The following SDK1 variants were observed in gnomAD, a reference collection of about 807,000 sequenced individuals.
SDK1 encodes the protein sidekick cell adhesion molecule 1, also known as protein sidekick-1.
SDK1 carries 157 observed loss-of-function variants against 245.5 expected under a neutral mutation model. The observed-to-expected ratio is 0.64, with a 90% CI of 0.56 to 0.73. SDK1 has a LOEUF of 0.73. Among genes scored for constraint, SDK1 ranks in the 30% least tolerant of loss-of-function variants. SDK1 has a pLI of 0.00. For missense variants in SDK1, 3,583 were observed against 3,002.3 expected, an observed-to-expected ratio of 1.19 and a Z score of -4.52; for synonymous variants, 1,647 against 1,278.5, an observed-to-expected ratio of 1.29 and a Z score of -6.15.
chr7:4,237,735 C>G lies in SDK1; in HGVS notation c.6081C>G (p.Phe2027Leu). Reference protein sequence around the residue: ...SSLIVILLVVFALVLHGQNKK... With the variant: ...SSLIVILLVVLALVLHGQNKK... ...TGATCGTCATCCTGCTGGTGGTGTT[C>G]GCCCTCGTCCTGCACGGGCAGAATA... is the stretch of plus-strand genomic sequence containing the variant. The change falls in exon 42 of 45, where the codon TTC becomes TTG. Residue 2027 changes from phenylalanine (F) to leucine (L), a missense_variant. By Grantham distance (22) the Phe-to-Leu change is conservative. Coordinates refer to ENST00000404826, the MANE Select transcript of SDK1 (RefSeq NM_152744.4). 6.2e-7 allele frequency: 1 copy of G among 1,614,136 alleles called. No individual in the cohort carries two copies. The highest frequency in any genetic ancestry group is 8.5e-7 in the Non-Finnish European group (1 of 1,180,016).
chr7:4,030,273 G>GCATTCAATAC (rs1446186284), intron 17 of SDK1, among the ~76,000 whole-genome samples: 1 of 152,244 alleles, frequency 6.6e-6, no homozygotes, highest in East Asian at 1.9e-4. Context: ...ATATCTTTGT[G>GCATTCAATAC]ACATTCAAAT....
In SDK1 at chr7:4,266,477, G is replaced by C. The variant is rs907443831; in HGVS notation, c.*1093G>C. On this transcript the variant is annotated 3_prime_UTR_variant, in exon 45 of 45. Transcript: ENST00000404826. ...CTGTCCTGGCTTCTGCTGGCTGCTC[G>C]CAGCAGCCACCGCTTCTCCACCACT... 2 of 985,184 alleles carry C rather than the reference G, an allele frequency of 2.0e-6. No individual in the cohort carries two copies. The highest frequency in any genetic ancestry group is 4.7e-5 in the South Asian group (1 of 21,268). 61.0% of individuals were successfully genotyped at this position (985,184 alleles called of 1,614,324 possible). A position where few individuals can be genotyped will look rare whatever the true frequency, so the allele number is the denominator to read the frequency against.
At chr7:3,964,785 A>G (rs1781971230) in intron 9 of SDK1, among the ~76,000 whole-genome samples, 1 of 152,182 alleles carries the variant, frequency 6.6e-6, no homozygotes. Context: ...TGCACAGCCA[A>G]GGGCTCTTCC....
chr7:4,252,572 G>A (rs1156292551), intron 44 of SDK1, among the ~76,000 whole-genome samples: 6 of 152,136 alleles, frequency 3.9e-5, no homozygotes, highest in East Asian at 1.9e-4. Flanking sequence ...ATATTGCTGA[G>A]CATTTTTGTA....
At position 4,266,848 on chromosome 7, in the gene SDK1, C is replaced by G. The variant is rs573931062; in HGVS notation, c.*1464C>G. The stretch of plus-strand genomic sequence containing the variant: ...GCAGCAGCGTGACACACACAAGACT[C>G]AAGACCACCCTGTCAGTGCCCCCCA... On this transcript the variant is annotated 3_prime_UTR_variant, in exon 45 of 45. Coordinates refer to ENST00000404826, the MANE Select transcript of SDK1 (RefSeq NM_152744.4). The G allele has an allele frequency of 2.1e-5, 21 of 985,546 alleles. No individual in the cohort carries two copies. In the South Asian group the frequency reaches 8.5e-4, roughly 40 times the overall value. 61.1% of individuals were successfully genotyped at this position (985,546 alleles called of 1,614,324 possible). A position where few individuals can be genotyped will look rare whatever the true frequency, so the allele number is the denominator to read the frequency against.
chr7:3,583,316 A>G (rs762432964), intron 1 of SDK1, among the ~76,000 whole-genome samples: 1 of 152,200 alleles, frequency 6.6e-6, no homozygotes, highest in African/African-American at 2.4e-5. Context: ...TCAGTGCATT[A>G]TGTTACCATT....
intron 32 of SDK1, among the ~76,000 whole-genome samples, chr7:4,168,283 T>A (rs1408235232): frequency 6.6e-6 from 1 of 152,190 alleles, no homozygotes; most frequent in East Asian, 1.9e-4. Context: ...CTTCAGTGAT[T>A]TCTGGTGCAA....
chr7:3,996,420 G>A (rs1396131391), intron 14 of SDK1, among the ~76,000 whole-genome samples: 1 of 152,132 alleles, frequency 6.6e-6, no homozygotes, highest in Non-Finnish European at 1.5e-5. Flanking sequence ...TAGTCTCATT[G>A]CATTTTTAAT....
chr7:3,574,686 A>G (rs1316536746), intron 1 of SDK1, among the ~76,000 whole-genome samples: 1 of 152,094 alleles, frequency 6.6e-6, no homozygotes, highest in African/African-American at 2.4e-5. Context: ...TAGTGTATAA[A>G]GTAGCTGATG....
At chr7:4,007,483 C>G (rs995445184) in intron 14 of SDK1, among the ~76,000 whole-genome samples, 3 of 152,074 alleles carry the variant, frequency 2.0e-5, no homozygotes, top group African/African-American at 7.2e-5. Flanking sequence ...GAGCTTGGAT[C>G]TAGGGAGAGC....
intron 40 of SDK1, 52 bp from the exon 41 acceptor site, chr7:4,233,203 C>G: frequency 6.4e-7 from 1 of 1,568,180 alleles, no homozygotes; most frequent in Non-Finnish European, 8.7e-7. Context: ...GGGCTCGCAT[C>G]TGGGACTTCG....
intron 32 of SDK1, among the ~76,000 whole-genome samples, chr7:4,165,749 C>T (rs1781461457): frequency 6.6e-6 from 1 of 152,130 alleles, no homozygotes; most frequent in Non-Finnish European, 1.5e-5. Flanking sequence ...CTTGGTCTCC[C>T]AAAGTGCTGG....
At chr7:4,051,917 G>A in intron 19 of SDK1, 87 bp downstream of exon 19, 1 of 1,309,016 alleles carries the variant, frequency 7.6e-7, no homozygotes, top group Non-Finnish European at 1.1e-6. Flanking sequence ...AAGGGCAGAG[G>A]TGGATCACGA....
intron 14 of SDK1, among the ~76,000 whole-genome samples, chr7:3,988,975 T>C (rs1251664621): frequency 6.6e-6 from 1 of 152,214 alleles, no homozygotes; most frequent in Non-Finnish European, 1.5e-5. Context: ...CAGGCTGGTC[T>C]CAAACTCCTG....
chr7:4,244,754 G>C (rs559446757), intron 43 of SDK1, among the ~76,000 whole-genome samples: 2 of 152,294 alleles, frequency 1.3e-5, no homozygotes, highest in East Asian at 3.9e-4. Context: ...AACTGGGCAA[G>C]AATCTTCTTC....
chr7:3,879,584 G>A (rs1052735018), intron 5 of SDK1, among the ~76,000 whole-genome samples: 5 of 152,312 alleles, frequency 3.3e-5, no homozygotes, highest in South Asian at 2.1e-4. Context: ...AGCCAGCCAC[G>A]CTCCCGGTAC....
At chr7:3,405,195 T>C (rs928497587) in intron 1 of SDK1, among the ~76,000 whole-genome samples, 2 of 151,910 alleles carry the variant, frequency 1.3e-5, no homozygotes, top group Non-Finnish European at 2.9e-5. Flanking sequence ...AAAAACACTT[T>C]CCTTAATCTT....
intron 19 of SDK1, among the ~76,000 whole-genome samples, chr7:4,064,178 C>T (rs1414860187): frequency 1.3e-5 from 2 of 152,142 alleles, no homozygotes; most frequent in Non-Finnish European, 2.9e-5. Flanking sequence ...GCAAACTATT[C>T]ATCTGGTAAG....
chr7:4,091,558 G>A (rs1374587441), intron 22 of SDK1, among the ~76,000 whole-genome samples: 1 of 151,880 alleles, frequency 6.6e-6, no homozygotes, highest in African/African-American at 2.4e-5. Flanking sequence ...GGCCAGGCTG[G>A]TCTCAAACTC....
Sources: allele counts gnomAD v4.1 joint callset (sites outside exome capture counted in the v4.1 genomes callset), GRCh38; gene constraint gnomAD v4.1.1; transcripts MANE v1.5; gene names NCBI Gene and HGNC (gene_info 2026-07-23, HGNC 2026-07-21).